Variants in TUSC3 observed in about 807,000 individuals in gnomAD.
The protein encoded by TUSC3 is tumor suppressor candidate 3, also known as dolichyl-diphosphooligosaccharide--protein glycosyltransferase subunit TUSC3.
In TUSC3, 45 loss-of-function variants were observed where a neutral mutation model predicts 44.8. The ratio of observed to expected loss-of-function variants is 1.00; its 90% CI spans 0.79 to 1.29. The LOEUF (loss-of-function observed/expected upper bound fraction) is 1.29. Among genes scored for constraint, TUSC3 ranks in the 50% most tolerant of loss-of-function variants. The pLI, the probability that TUSC3 is intolerant of heterozygous loss-of-function variation, is 0.00. For synonymous variants in TUSC3, 212 were observed against 152.9 expected, an observed-to-expected ratio of 1.39 and a Z score of -2.85; for missense variants, 519 against 437.9, an observed-to-expected ratio of 1.19 and a Z score of -1.65.
chr8:15,723,019 G>A (rs991491145), intron 6 of TUSC3, among the ~76,000 whole-genome samples: 1 of 152,068 alleles, frequency 6.6e-6, no homozygotes, highest in African/African-American at 2.4e-5. Context: ...GACCTATTGT[G>A]TAGGAGTTTC....
intron 2 of TUSC3, among the ~76,000 whole-genome samples, chr8:15,485,380 C>A (rs1232683206): frequency 6.6e-6 from 1 of 151,728 alleles, no homozygotes; most frequent in East Asian, 1.9e-4. Flanking sequence ...TTTTTGATCA[C>A]GTGTTTTTGT....
intron 3 of TUSC3, among the ~76,000 whole-genome samples, chr8:15,655,173 A>G (rs888640562): frequency 6.6e-6 from 1 of 152,182 alleles, no homozygotes; most frequent in Non-Finnish European, 1.5e-5. Flanking sequence ...AATTGGTTGC[A>G]GCTGGCTGCT....
intron 1 of TUSC3, among the ~76,000 whole-genome samples, chr8:15,553,039 A>G (rs1203050342): frequency 6.6e-6 from 1 of 151,718 alleles, no homozygotes; most frequent in East Asian, 1.9e-4. Context: ...GGTGATGACT[A>G]CATTTCTTGA....
intron 1 of TUSC3, among the ~76,000 whole-genome samples, chr8:15,446,242 A>G (rs1800095826): frequency 1.3e-5 from 2 of 150,720 alleles, no homozygotes; most frequent in Non-Finnish European, 3.0e-5. Context: ...CACTTCCTAG[A>G]TGGGATGGCG....
chr8:15,702,487 G>A (rs1490999215), intron 6 of TUSC3, among the ~76,000 whole-genome samples: 1 of 152,078 alleles, frequency 6.6e-6, no homozygotes, highest in Non-Finnish European at 1.5e-5. Flanking sequence ...TACCTTCCAA[G>A]GTTCTCATAT....
chr8:15,685,276 C>G (rs35103268), intron 6 of TUSC3, among the ~76,000 whole-genome samples: 2 of 151,950 alleles, frequency 1.3e-5, no homozygotes. Flanking sequence ...TCACCGCTTC[C>G]TCAGGTCTGG....
At chr8:15,746,687 G>C (rs1811430867) in intron 8 of TUSC3, among the ~76,000 whole-genome samples, 1 of 151,692 alleles carries the variant, frequency 6.6e-6, no homozygotes, top group African/African-American at 2.4e-5. Flanking sequence ...CAACCCAATG[G>C]GGCTACTAAA....
At chr8:15,479,369 T>C (rs1199239929) in intron 1 of TUSC3, among the ~76,000 whole-genome samples, 2 of 152,152 alleles carry the variant, frequency 1.3e-5, no homozygotes, top group Non-Finnish European at 2.9e-5. Flanking sequence ...GTGCCTATGT[T>C]CCAAATGGTA....
intron 2 of TUSC3, among the ~76,000 whole-genome samples, chr8:15,484,461 A>C (rs1187255956): frequency 6.6e-6 from 1 of 152,240 alleles, no homozygotes; most frequent in Non-Finnish European, 1.5e-5. Context: ...ATGTGCCAGC[A>C]CAGTGTAGGA....
intron 2 of TUSC3, among the ~76,000 whole-genome samples, chr8:15,491,317 TC>T (rs1434806645): frequency 1.3e-5 from 2 of 152,130 alleles, no homozygotes; most frequent in African/African-American, 4.8e-5. Context: ...ACAAGGAATT[TC>T]CCTGTGAGTA....
chr8:15,763,151 T>A (rs1387716280), intron 10 of TUSC3, among the ~76,000 whole-genome samples: 1 of 151,728 alleles, frequency 6.6e-6, no homozygotes, highest in African/African-American at 2.4e-5. Context: ...TATTTCATGT[T>A]TTATACTAAA....
At chr8:15,459,856 A>G (rs2410272) in intron 1 of TUSC3, among the ~76,000 whole-genome samples, 22,241 of 138,946 alleles carry the variant, frequency 0.16, 1,953 homozygotes, top group East Asian at 0.32. Flanking sequence ...GTGTGTGTGT[A>G]TGTGTGTGTG....
At chr8:15,840,057 A>G in the TUSC3 span, among the ~76,000 whole-genome samples, 4 of 152,216 alleles carry the variant, frequency 2.6e-5, no homozygotes, top group African/African-American at 9.7e-5. Context: ...ATAAAAAATG[A>G]TGAGTTCATG....
At chr8:15,560,106 C>T (rs200802619) in intron 1 of TUSC3, among the ~76,000 whole-genome samples, 19,196 of 112,316 alleles carry the variant, frequency 0.17, 338 homozygotes, top group Middle Eastern at 0.2. Flanking sequence ...TCTCGATGGT[C>T]TTTACATTTT....
intron 6 of TUSC3, among the ~76,000 whole-genome samples, chr8:15,680,535 G>A (rs1254941872): frequency 6.6e-6 from 1 of 152,064 alleles, no homozygotes; most frequent in African/African-American, 2.4e-5. Flanking sequence ...AGTCTGCAAA[G>A]AGAGATACTT....
intron 1 of TUSC3, among the ~76,000 whole-genome samples, chr8:15,457,016 TA>T (rs1437042940): frequency 6.6e-6 from 1 of 151,978 alleles, no homozygotes; most frequent in African/African-American, 2.4e-5. Context: ...ATGAACTCTA[TA>T]AATTATCAAG....
chr8:15,788,298 G>A, the TUSC3 span, among the ~76,000 whole-genome samples: 5 of 152,128 alleles, frequency 3.3e-5, no homozygotes, highest in Admixed American at 1.3e-4. Flanking sequence ...TGTAATCCCA[G>A]CACTTGAAGA....
chr8:15,568,307 G>A (rs1365944317), intron 1 of TUSC3, among the ~76,000 whole-genome samples: 1 of 152,080 alleles, frequency 6.6e-6, no homozygotes, highest in South Asian at 2.1e-4. Context: ...CCTTGTTCTG[G>A]GTGCCATCAA....
chr8:15,826,370 T>C, the TUSC3 span, among the ~76,000 whole-genome samples: 1 of 152,204 alleles, frequency 6.6e-6, no homozygotes, highest in East Asian at 1.9e-4. Flanking sequence ...ATTAGCACCC[T>C]CTATGCTTTC....
Sources: allele counts gnomAD v4.1 joint callset (sites outside exome capture counted in the v4.1 genomes callset), GRCh38; gene constraint gnomAD v4.1.1; transcripts MANE v1.5; gene names NCBI Gene and HGNC (gene_info 2026-07-23, HGNC 2026-07-21).